DNAH2: variants seen among roughly 807,000 people sequenced by gnomAD.
DNAH2 encodes the protein axonemal beta dynein heavy chain 2.
In DNAH2, 323 loss-of-function variants were observed where a neutral mutation model predicts 523.5. The observed-to-expected ratio is 0.62, with a 90% confidence interval of 0.56 to 0.68. The LOEUF (loss-of-function observed/expected upper bound fraction) is 0.68, where lower values mean the gene tolerates loss of function less well. DNAH2 is among the 30% of genes least tolerant of loss of function. DNAH2 has a pLI of 0.00. For synonymous variants in DNAH2, 2,093 were observed against 2,177.4 expected, an observed-to-expected ratio of 0.96 and a Z score of 1.08; for missense variants, 4,907 against 5,701.5, an observed-to-expected ratio of 0.86 and a Z score of 4.49.
Position 7,780,549 on chromosome 17 carries a change from T to G in DNAH2, c.5851-81T>G. 3 of 1,577,386 alleles carry G rather than the reference T, an allele frequency of 1.9e-6. No homozygotes were observed. Among genetic ancestry groups the G allele is most frequent in the Non-Finnish European group, 8.6e-7 (1 of 1,159,716 alleles). ...CTGCTTCATGTCCTGGGACCTGGCT[T>G]CTTGTCTCTGACTGTCCTGAGATGA... On this transcript the variant is annotated intron_variant, in intron 37 of 85. Transcript: ENST00000572933. This position sits in a 1 kb window ranked among gnomAD's most constrained non-coding sequence, Gnocchi z 4.4.
chr17:7,797,222 A>C lies in DNAH2; in HGVS notation c.7910A>C (p.Lys2637Thr). 6.2e-7 allele frequency: 1 copy of C among 1,613,938 alleles called. No homozygotes were observed. The highest frequency in any genetic ancestry group is 1.7e-5 in the Admixed American group (1 of 59,982). The change falls in exon 51 of 86, where the codon AAG becomes ACG. Residue 2637 changes from lysine (K) to threonine (T), a missense_variant. This residue lies in a region of DNAH2 where 250 missense variants were observed against 371.3 expected (regional missense o/e 0.67). Transcript: ENST00000572933. ...LRANKDFHDT[K>T]SSITRLWIHE... is the part of the protein sequence containing the mutation. ...GCCAACAAGGACTTCCATGATACCA[A>C]GTCCAGCATCACACGGCTCTGGATC...
At chr17:7,755,859 G>A (rs1281465321) in intron 12 of DNAH2, among the ~76,000 whole-genome samples, 1 of 151,632 alleles carries the variant, frequency 6.6e-6, no homozygotes, top group Non-Finnish European at 1.5e-5. Context: ...GAGTGCAATG[G>A]CACAATCTTG....
At chr17:7,739,973 A>G in intron 9 of DNAH2, 35 bp downstream of exon 9, 1 of 1,592,376 alleles carries the variant, frequency 6.3e-7, no homozygotes, top group Non-Finnish European at 8.6e-7. Flanking sequence ...AGGCGTGGGC[A>G]GGGAAGGCAG....
intron 3 of DNAH2, among the ~76,000 whole-genome samples, chr17:7,724,480 G>T (rs530845949): frequency 3.9e-5 from 6 of 151,952 alleles, no homozygotes; most frequent in Non-Finnish European, 5.9e-5. Context: ...TTAGCAGGGT[G>T]TGGTGGCGGA....
Position 7,823,846 on chromosome 17 carries a change from A to G in DNAH2, c.11342A>G (p.Asn3781Ser). ...ACCTCATCCCCAGGTGAGTGGGAAA[A>G]TGCCTGCAATGAAATGCAACGGATG... ...EKAMLPGEWE[N>S]ACNEMQRMLI... Residue 3781 changes from asparagine to serine, a missense_variant, in exon 75 of 86, where the codon AAT becomes AGT. By Grantham distance (46) the Asn-to-Ser change is conservative. Transcript: ENST00000572933. 1 of 1,613,982 alleles carries G rather than the reference A, an allele frequency of 6.2e-7. No individual in the cohort carries two copies. The highest frequency in any genetic ancestry group is 8.5e-7 in the Non-Finnish European group (1 of 1,179,970).
chr17:7,781,461 G>C (rs930843599), intron 39 of DNAH2, among the ~76,000 whole-genome samples: 2 of 151,962 alleles, frequency 1.3e-5, no homozygotes, highest in African/African-American at 4.8e-5. Context: ...CTGGGTGACA[G>C]AGCAAGACCG....
At position 7,824,743 on chromosome 17, in the gene DNAH2, G is replaced by A. The variant is rs766715697; in HGVS notation, c.11853+16G>A. ...GCCACCAAAGGTATGTGGCCATAGA[G>A]AACCAGCATCATCAGGGCCATCTGG... On this transcript the variant is annotated intron_variant, in intron 77 of 85. Transcript: ENST00000572933. 11 of 1,500,102 alleles carry A rather than the reference G, an allele frequency of 7.3e-6. No homozygotes were observed. The highest frequency in any genetic ancestry group is 7.2e-6 in the Non-Finnish European group (8 of 1,110,442). The allele number at this position is 1,500,102 out of a possible 1,614,324, so 92.9% of individuals were successfully genotyped here.
intron 63 of DNAH2, among the ~76,000 whole-genome samples, chr17:7,815,458 C>G (rs781314865): frequency 1.1e-4 from 16 of 152,248 alleles, no homozygotes; most frequent in Admixed American, 1.3e-4. Context: ...CAGTCTGTAA[C>G]CAGGCACAAC....
intron 2 of DNAH2, among the ~76,000 whole-genome samples, chr17:7,723,268 CTTTTTT>C (rs58689789): frequency 5.0e-5 from 3 of 59,910 alleles, no homozygotes; most frequent in South Asian, 6.9e-4. Context: ...CTGTACCCGG[CTTTTTT>C]TTTTTTTTTT....
chr17:7,792,398 G>A (rs898640583), intron 46 of DNAH2, 55 bp downstream of exon 46: 4 of 1,572,412 alleles, frequency 2.5e-6, no homozygotes, highest in Non-Finnish European at 1.7e-6. Flanking sequence ...GGTGGGGGAT[G>A]TGGCAAGAGA....
At chr17:7,742,861 A>T (rs1597502361) in intron 11 of DNAH2, 67 bp from the exon 12 acceptor site, 2 of 1,132,256 alleles carry the variant, frequency 1.8e-6, no homozygotes, top group Non-Finnish European at 2.3e-6. Flanking sequence ...TGTAGGTCTC[A>T]GGGAGATGGT....
In DNAH2 at chr17:7,807,203, G is replaced by C. The variant is rs1476396956; in HGVS notation, c.9496G>C (p.Asp3166His). The C allele has an allele frequency of 6.8e-6, 11 of 1,612,824 alleles. No homozygotes were observed. The highest frequency in any genetic ancestry group is 7.6e-6 in the Non-Finnish European group (9 of 1,180,030). The part of the protein sequence containing the change: ...LINFDKDNIS[D>H]KVLKKIGAYC... The stretch of plus-strand genomic sequence containing the variant: ...CAACTTTGATAAAGACAATATCTCA[G>C]ATAAGGTTCTGAAGAAGATTGGGGC... The change falls in exon 62 of 86, where the codon GAT becomes CAT. Residue 3166 changes from aspartate (D) to histidine (H), a missense_variant. Physicochemically the swap from Asp to His is moderately conservative, Grantham distance 81. This residue lies in a region of DNAH2 where 1,851 missense variants were observed against 2,139.4 expected (regional missense o/e 0.87). Transcript: ENST00000572933. This position sits in a 1 kb window ranked among gnomAD's most constrained non-coding sequence, Gnocchi z 5.6.
Position 7,802,669 on chromosome 17 carries a change from AT to A in DNAH2, c.8972+665del, listed in dbSNP as rs544716039. On this transcript the variant is annotated intron_variant, in intron 58 of 85. Coordinates refer to ENST00000572933, the MANE Select transcript of DNAH2 (RefSeq NM_020877.5). ...CAGTGCAGATGCAAATTTTTTTGCA[AT>A]TTTTTTTTTTTTAGACGGAGTCTCG... 1.9e-3 allele frequency among the ~76,000 whole-genome samples: 281 copies of A among 145,966 alleles called. 1 individual carries two copies. The highest frequency in any genetic ancestry group is 2.6e-3 in the South Asian group (12 of 4,594).
rs556628600 is a variant in DNAH2 at position 7,746,159 on chromosome 17, G to A, written c.1904+3017G>A. Among the ~76,000 whole-genome samples the A allele has an allele frequency of 4.0e-4, 61 of 152,330 alleles. 2 individuals are homozygous for A. In the South Asian group the frequency reaches 0.013, roughly 32 times the overall value. On this transcript the variant is annotated intron_variant, in intron 12 of 85. Coordinates refer to ENST00000572933, the MANE Select transcript of DNAH2 (RefSeq NM_020877.5). ...GTATTTTCAAAACAAATGTAGCAGAGTGATGTAACAGTTTTAGTTTTTAAA... is the reference window on the plus strand; with the variant it reads ...GTATTTTCAAAACAAATGTAGCAGAATGATGTAACAGTTTTAGTTTTTAAA...
intron 72 of DNAH2, among the ~76,000 whole-genome samples, chr17:7,820,176 T>G (rs2077814925): frequency 6.6e-6 from 1 of 152,196 alleles, no homozygotes; most frequent in South Asian, 2.1e-4. Flanking sequence ...TGAATATTTC[T>G]GCAACTGTTC....
Position 7,780,774 on chromosome 17 carries a change from G to C in DNAH2, c.5995G>C (p.Asp1999His), listed in dbSNP as rs376359775. ...GCGCCGCCTACAGCCGGATCTGACT[G>C]ATGAAGAGGTAGAGCAAGGACACAG... ...KKRRLQPDLT[D>H]EEVLLLSMRD... Residue 1999 changes from aspartate to histidine, a missense_variant, in exon 38 of 86, where the codon GAT becomes CAT. Asp to His is a moderately conservative substitution (Grantham distance 81, BLOSUM62 -1). Coordinates refer to ENST00000572933, the MANE Select transcript of DNAH2 (RefSeq NM_020877.5). The surrounding 1 kb of genome is among the most constrained non-coding windows in gnomAD (Gnocchi z 4.4). The C allele has an allele frequency of 6.2e-7, 1 of 1,614,126 alleles. No homozygotes were observed. The highest frequency in any genetic ancestry group is 1.3e-5 in the African/African-American group (1 of 74,948).
chr17:7,793,698 C>G (rs1430840181), intron 48 of DNAH2, among the ~76,000 whole-genome samples: 1 of 151,908 alleles, frequency 6.6e-6, no homozygotes, highest in Non-Finnish European at 1.5e-5. Flanking sequence ...CTCCTGGGCT[C>G]AAGAGATCCT....
chr17:7,719,959 G>T (rs993339673), intron 2 of DNAH2, 59 bp downstream of exon 2: 39 of 1,439,912 alleles, frequency 2.7e-5, no homozygotes, highest in Non-Finnish European at 3.6e-5. Context: ...AGTCAGAGGG[G>T]CTTGGAGGCA....
At chr17:7,789,441 G>A (rs1328066890) in intron 44 of DNAH2, among the ~76,000 whole-genome samples, 2 of 152,214 alleles carry the variant, frequency 1.3e-5, no homozygotes, top group African/African-American at 2.4e-5. Context: ...AGACCCTGAG[G>A]AGAGGGCTGG....
Sources: allele counts gnomAD v4.1 joint callset (sites outside exome capture counted in the v4.1 genomes callset), GRCh38; gene constraint gnomAD v4.1.1; regional missense constraint gnomAD v4.1.1; non-coding constraint Gnocchi (gnomAD v3.1); transcripts MANE v1.5; gene names NCBI Gene and HGNC (gene_info 2026-07-23, HGNC 2026-07-21).